Variants in MAP4K4 observed in about 807,000 individuals in gnomAD.
MAP4K4 encodes the protein HPK/GCK-like kinase HGK.
In MAP4K4, 38 loss-of-function variants were observed where a neutral mutation model predicts 189.6. That is an observed-to-expected ratio of 0.20 (90% CI 0.15 to 0.26). MAP4K4 has a LOEUF of 0.26. Ranked by LOEUF, MAP4K4 falls within the 10% of genes least tolerant of loss-of-function variation. The pLI is 1.00. For missense variants in MAP4K4, 1,054 were observed against 1,726.9 expected (o/e 0.61, Z 6.91); for synonymous variants, 610 against 624.3 (o/e 0.98, Z 0.34).
Position 101,698,221 on chromosome 2 carries a change from C to T in MAP4K4, c.57+84C>T, listed in dbSNP as rs191810177. On this transcript the variant is annotated intron_variant, in intron 1 of 32. Transcript: ENST00000324219. ...GCCGCGCCCAGGTCGGCCGGGCGCT[C>T]GGGCGCCGCCGTGGGCAGAGCCGCG... 321 of 561,504 alleles carry T rather than the reference C, an allele frequency of 5.7e-4. 5 individuals are homozygous for T. The Admixed American group carries it at 0.019, about 34-fold the overall frequency. 34.8% of individuals were successfully genotyped at this position (561,504 alleles called of 1,614,324 possible). A position where few individuals can be genotyped will look rare whatever the true frequency, so the allele number is the denominator to read the frequency against.
At chr2:101,871,362 A>G in intron 23 of MAP4K4, 132 bp from the exon 24 acceptor site, 1 of 674,558 alleles carries the variant, frequency 1.5e-6, no homozygotes, top group Non-Finnish European at 2.4e-6. Flanking sequence ...AGTTCAGGCT[A>G]ATTTCTTTGG....
chr2:101,889,429 C>T (rs945556363), intron 32 of MAP4K4, among the ~76,000 whole-genome samples: 1 of 152,116 alleles, frequency 6.6e-6, no homozygotes, highest in African/African-American at 2.4e-5. Flanking sequence ...ACATAACATA[C>T]CTCCTGCACC....
chr2:101,706,863 A>G (rs1025685466), intron 2 of MAP4K4, among the ~76,000 whole-genome samples: 19 of 152,262 alleles, frequency 1.2e-4, no homozygotes, highest in Middle Eastern at 6.8e-3. Context: ...ATGGCTGAAA[A>G]TCCCTTTTTC....
chr2:101,845,867 CCAA>C (rs1467957015), intron 12 of MAP4K4, among the ~76,000 whole-genome samples: 3 of 152,090 alleles, frequency 2.0e-5, no homozygotes, highest in African/African-American at 7.2e-5. Context: ...GAAAAATGGG[CCAA>C]CAACAGTAAA....
intron 2 of MAP4K4, among the ~76,000 whole-genome samples, chr2:101,731,620 C>T (rs1442646885): frequency 2.0e-5 from 3 of 151,852 alleles, no homozygotes; most frequent in Admixed American, 2.0e-4. Flanking sequence ...ATTACCCAGG[C>T]GTCATGGTGT....
chr2:101,808,558 C>T (rs1290695462), intron 3 of MAP4K4, among the ~76,000 whole-genome samples: 2 of 149,670 alleles, frequency 1.3e-5, no homozygotes, highest in Non-Finnish European at 3.0e-5. Flanking sequence ...CCCCCCACCC[C>T]GTTTAGTATA....
At chr2:101,803,608 A>G (rs139258226) in intron 3 of MAP4K4, among the ~76,000 whole-genome samples, 8 of 152,126 alleles carry the variant, frequency 5.3e-5, no homozygotes, top group Non-Finnish European at 1.2e-4. Context: ...ATTTGTCCAT[A>G]TGATAAAGCC....
intron 1 of MAP4K4, 113 bp from the exon 2 acceptor site, chr2:101,698,360 C>T (rs1236005614): frequency 3.8e-6 from 4 of 1,062,150 alleles, no homozygotes; most frequent in Admixed American, 3.7e-5. Context: ...GGGGACCGCG[C>T]GGGGCGAAGC....
intron 27 of MAP4K4, among the ~76,000 whole-genome samples, chr2:101,878,918 A>G (rs1169602959): frequency 2.0e-5 from 3 of 152,208 alleles, no homozygotes; most frequent in Admixed American, 2.0e-4. Flanking sequence ...CACTATTTAT[A>G]CTTAAATGAG....
In MAP4K4 at chr2:101,885,147, G is replaced by T; in HGVS notation, c.3521-40G>T. On this transcript the variant is annotated intron_variant, in intron 28 of 32. Coordinates refer to ENST00000324219, the Ensembl canonical transcript of MAP4K4. ...CAGTTTAGAGGGCTATGTTGATACT[G>T]ACCTGTGCTTCTCTTGCTTTTTTAT... 2.6e-6 allele frequency: 3 copies of T among 1,157,334 alleles called. No homozygotes were observed. The South Asian group carries it at 4.0e-5, about 15-fold the overall frequency. The allele number at this position is 1,157,334 out of a possible 1,614,324, so 71.7% of individuals were successfully genotyped here.
chr2:101,735,314 T>G (rs1393999899), intron 2 of MAP4K4, among the ~76,000 whole-genome samples: 2 of 152,188 alleles, frequency 1.3e-5, no homozygotes, highest in African/African-American at 4.8e-5. Flanking sequence ...ACTAATCATT[T>G]TCACCAATGC....
At chr2:101,793,229 A>G (rs2093224251) in intron 3 of MAP4K4, among the ~76,000 whole-genome samples, 1 of 152,236 alleles carries the variant, frequency 6.6e-6, no homozygotes, top group South Asian at 2.1e-4. Context: ...TACAAACACA[A>G]TTAACTATTT....
At chr2:101,867,633 TA>T (rs540596766) in intron 20 of MAP4K4, 203 of 333,024 alleles carry the variant, frequency 6.1e-4, no homozygotes, top group Admixed American at 1.1e-3. Context: ...ACTGATGCTT[TA>T]AAAAAAATAC....
chr2:101,705,756 A>T (rs1367614092), intron 2 of MAP4K4, among the ~76,000 whole-genome samples: 1 of 152,216 alleles, frequency 6.6e-6, no homozygotes, highest in African/African-American at 2.4e-5. Flanking sequence ...AACTGGCAGG[A>T]TTGAATTTGT....
chr2:101,822,175 A>G (rs1225713160), intron 3 of MAP4K4, among the ~76,000 whole-genome samples: 1 of 152,250 alleles, frequency 6.6e-6, no homozygotes, highest in African/African-American at 2.4e-5. Context: ...TTGTAAACAA[A>G]CCACTAACAT....
chr2:101,836,214 G>A (rs981912592), intron 9 of MAP4K4, among the ~76,000 whole-genome samples: 8 of 152,028 alleles, frequency 5.3e-5, no homozygotes, highest in Non-Finnish European at 5.9e-5. Flanking sequence ...ACTATAACAT[G>A]TCTAAAGACA....
chr2:101,770,796 C>G lies in MAP4K4; in HGVS notation c.124-19924C>G, dbSNP rs188764562. On this transcript the variant is annotated intron_variant, in intron 2 of 32. Transcript: ENST00000324219. ...GCTGTTGGCTGTCTTGTGTGGCAGC[C>G]AGCCACAAGACCCATAATTGTCCCA... Among the ~76,000 whole-genome samples the G allele has an allele frequency of 2.6e-3, 398 of 152,288 alleles. 3 individuals are homozygous for G. Among genetic ancestry groups the G allele is most frequent in the African/African-American group, 9.2e-3 (382 of 41,570 alleles).
intron 2 of MAP4K4, among the ~76,000 whole-genome samples, chr2:101,752,134 T>C (rs1326274806): frequency 1.3e-5 from 2 of 152,194 alleles, no homozygotes; most frequent in African/African-American, 2.4e-5. Flanking sequence ...ATCTTTTTCT[T>C]CTGAACCTCC....
chr2:101,761,919 G>C (rs7559442), intron 2 of MAP4K4, among the ~76,000 whole-genome samples: 1 of 152,068 alleles, frequency 6.6e-6, no homozygotes, highest in African/African-American at 2.4e-5. Context: ...GCTACATTCA[G>C]CGCTGGTGCT....
Sources: gnomAD v4.1 joint callset for allele counts (sites outside exome capture counted in the v4.1 genomes callset) on GRCh38, gnomAD v4.1.1 for gene constraint, MANE v1.5 for transcripts, NCBI Gene and HGNC (gene_info 2026-07-23, HGNC 2026-07-21) for gene names.